Variants in ESCO1 observed in about 807,000 individuals in gnomAD.
ESCO1 encodes the protein establishment of sister chromatid cohesion N-acetyltransferase 1.
Under a neutral mutation model 83.5 loss-of-function variants are expected in ESCO1, and 33 were observed. The observed-to-expected ratio is 0.40, with a 90% confidence interval of 0.30 to 0.53. The LOEUF (loss-of-function observed/expected upper bound fraction) is 0.53. Ranked by LOEUF, ESCO1 falls within the 20% of genes least tolerant of loss-of-function variation. The pLI is 0.63. For synonymous variants in ESCO1, 332 were observed against 324.3 expected (o/e 1.02, Z -0.25); for missense variants, 855 against 968.0 (o/e 0.88, Z 1.55).
At chr18:21,559,527 T>C (rs552990494) in intron 8 of ESCO1, among the ~76,000 whole-genome samples, 5 of 152,340 alleles carry the variant, frequency 3.3e-5, no homozygotes, top group South Asian at 4.1e-4. Context: ...TGAAATAAAA[T>C]GTTTTTATAA....
At chr18:21,546,136 G>C (rs1199803894) in intron 8 of ESCO1, among the ~76,000 whole-genome samples, 1 of 152,176 alleles carries the variant, frequency 6.6e-6, no homozygotes, top group African/African-American at 2.4e-5. Context: ...TAGTGGTAAG[G>C]AGGATTTCAA....
chr18:21,555,908 T>C (rs2038106587), intron 8 of ESCO1, among the ~76,000 whole-genome samples: 1 of 151,912 alleles, frequency 6.6e-6, no homozygotes, highest in African/African-American at 2.4e-5. Flanking sequence ...TACAATGAGC[T>C]ATGATTGCGC....
intron 9 of ESCO1, 78 bp from the exon 10 acceptor site, chr18:21,536,263 G>A (rs2037836027): frequency 1.4e-6 from 2 of 1,462,268 alleles, no homozygotes; most frequent in Admixed American, 2.0e-5. Context: ...CAGTTCAGTA[G>A]ATCAACTTTA....
At chr18:21,579,762 C>T (rs1050430425) in intron 2 of ESCO1, among the ~76,000 whole-genome samples, 6 of 130,998 alleles carry the variant, frequency 4.6e-5, no homozygotes, top group African/African-American at 1.4e-4. Flanking sequence ...GGCAACAGAG[C>T]GAGATTCTGA....
At position 21,560,744 on chromosome 18, in the gene ESCO1, T is replaced by C. The variant is rs1322116599; in HGVS notation, c.1953+115A>G. ...CATACTACACGTGCTTTGTACATAT[T>C]ATTATCTCTTAAAAACATAAATTTT... On this transcript the variant is annotated intron_variant, in intron 8 of 11. Coordinates refer to ENST00000269214, the MANE Select transcript of ESCO1 (RefSeq NM_052911.3). The C allele has an allele frequency of 4.6e-6, 6 of 1,291,290 alleles. No homozygotes were observed. In the Admixed American group the frequency reaches 8.0e-5, roughly 17 times the overall value. 80.0% of individuals were successfully genotyped at this position (1,291,290 alleles called of 1,614,324 possible). A position where few individuals can be genotyped will look rare whatever the true frequency, so the allele number is the denominator to read the frequency against.
At chr18:21,576,813 T>C (rs2038424543) in intron 2 of ESCO1, among the ~76,000 whole-genome samples, 1 of 151,920 alleles carries the variant, frequency 6.6e-6, no homozygotes, top group African/African-American at 2.4e-5. Context: ...AGCAGGTGGA[T>C]CACGAAGTCA....
At chr18:21,548,899 C>T (rs1210213169) in intron 8 of ESCO1, among the ~76,000 whole-genome samples, 1 of 151,522 alleles carries the variant, frequency 6.6e-6, no homozygotes, top group African/African-American at 2.4e-5. Context: ...CATCGCACCA[C>T]CGCACTTCAG....
chr18:21,572,144 T>C (rs1214501272), intron 4 of ESCO1, among the ~76,000 whole-genome samples: 1 of 152,234 alleles, frequency 6.6e-6, no homozygotes, highest in Non-Finnish European at 1.5e-5. Context: ...TATGTTGTTT[T>C]AGAAAGAATG....
At chr18:21,595,980 A>G (rs1290678194) in intron 1 of ESCO1, among the ~76,000 whole-genome samples, 1 of 151,564 alleles carries the variant, frequency 6.6e-6, no homozygotes, top group African/African-American at 2.4e-5. Flanking sequence ...TAAATAAATA[A>G]ATAAATAAAA....
rs908012330 is a variant in ESCO1 at position 21,575,168 on chromosome 18, GT to G, written c.-326del. 57 of 372,144 alleles carry G rather than the reference GT, an allele frequency of 1.5e-4. No homozygotes were observed. The highest frequency in any genetic ancestry group is 1.2e-3 in the African/African-American group (56 of 48,162). The allele number at this position is 372,144 out of a possible 1,614,324, so 23.1% of individuals were successfully genotyped here. A position where few individuals can be genotyped will look rare whatever the true frequency, so the allele number is the denominator to read the frequency against. On this transcript the variant is annotated 5_prime_UTR_variant, in exon 4 of 12. Coordinates refer to ENST00000269214, the MANE Select transcript of ESCO1 (RefSeq NM_052911.3). ...ATTTAATTCAGGTTCAATCTGTTTT[GT>G]TAATTTTTTAATTAATTTTGGTTTC...
intron 6 of ESCO1, 26 bp downstream of exon 6, chr18:21,566,120 G>A (rs1248675063): frequency 6.3e-7 from 1 of 1,599,166 alleles, no homozygotes; most frequent in Non-Finnish European, 8.5e-7. Context: ...AAATCCTTAA[G>A]CTCTAAAATT....
chr18:21,587,607 T>C (rs534798304), intron 1 of ESCO1, among the ~76,000 whole-genome samples: 2 of 152,314 alleles, frequency 1.3e-5, no homozygotes, highest in South Asian at 2.1e-4. Flanking sequence ...CTTATTTTGG[T>C]AATTTGAGTC....
chr18:21,549,738 G>A (rs866207144), intron 8 of ESCO1, among the ~76,000 whole-genome samples: 8 of 152,092 alleles, frequency 5.3e-5, no homozygotes, highest in African/African-American at 1.2e-4. Flanking sequence ...AGGCCGAGGC[G>A]GGTGGATTAC....
chr18:21,542,823 A>G (rs1253780331), intron 8 of ESCO1, among the ~76,000 whole-genome samples: 1 of 152,234 alleles, frequency 6.6e-6, no homozygotes, highest in Non-Finnish European at 1.5e-5. Context: ...GACCCTCCTT[A>G]CTTCAGAGAA....
At position 21,562,278 on chromosome 18, in the gene ESCO1, C is replaced by G. The variant is rs538256290; in HGVS notation, c.1822-1288G>C. Among the ~76,000 whole-genome samples the G allele has an allele frequency of 2.0e-5, 3 of 152,146 alleles. No individual in the cohort carries two copies. The South Asian group carries it at 6.2e-4, about 32-fold the overall frequency. The stretch of plus-strand genomic sequence containing the variant: ...GGATCACGAGGTCAGGAGTTCAAGA[C>G]CAGCCTAGCCAACATGGTGAAACCC... On this transcript the variant is annotated intron_variant, in intron 7 of 11. Coordinates refer to ENST00000269214, the MANE Select transcript of ESCO1 (RefSeq NM_052911.3).
intron 2 of ESCO1, among the ~76,000 whole-genome samples, chr18:21,581,827 G>A (rs2038506510): frequency 6.6e-6 from 1 of 151,616 alleles, no homozygotes; most frequent in South Asian, 2.1e-4. Flanking sequence ...ACACCAGCCT[G>A]GTCAACATAG....
rs191738340 is a variant in ESCO1 at position 21,575,377 on chromosome 18, C to T, written c.-534G>A. 2.5e-6 allele frequency: 1 copy of T among 398,058 alleles called. No homozygotes were observed. Among genetic ancestry groups the T allele is most frequent in the Non-Finnish European group, 4.4e-6 (1 of 225,766 alleles). The allele number at this position is 398,058 out of a possible 1,614,324, so 24.7% of individuals were successfully genotyped here. On this transcript the variant is annotated 5_prime_UTR_variant, in exon 4 of 12. Transcript: ENST00000269214. ...TTGGTTTGCAGTTCTTATCTAACCT[C>T]CTTTGTTCAACAAAATATTCTATTA...
chr18:21,535,282 T>G (rs1387909131), intron 10 of ESCO1, among the ~76,000 whole-genome samples: 1 of 151,954 alleles, frequency 6.6e-6, no homozygotes, highest in East Asian at 1.9e-4. Context: ...TGGCGTGACC[T>G]TGGCTCACTA....
intron 8 of ESCO1, among the ~76,000 whole-genome samples, chr18:21,553,872 A>C (rs549222068): frequency 7.9e-5 from 12 of 151,698 alleles, no homozygotes; most frequent in African/African-American, 2.9e-4. Context: ...CAAAAAAAAA[A>C]AAAAACACAA....
Sources: allele counts gnomAD v4.1 joint callset (sites outside exome capture counted in the v4.1 genomes callset), GRCh38; gene constraint gnomAD v4.1.1; transcripts MANE v1.5; gene names NCBI Gene and HGNC (gene_info 2026-07-23, HGNC 2026-07-21).